USH2A: variants seen among roughly 807,000 people sequenced by gnomAD.
USH2A encodes the protein Usher syndrome 2A (autosomal recessive, mild).
In USH2A, 443 loss-of-function variants were observed where a neutral mutation model predicts 538.9. The ratio of observed to expected loss-of-function variants is 0.82; its 90% CI spans 0.76 to 0.89. The LOEUF (loss-of-function observed/expected upper bound fraction) is 0.89. Ranked by LOEUF, USH2A falls within the 40% of genes least tolerant of loss-of-function variation. The pLI is 0.00. For missense variants in USH2A, 6,633 were observed against 6,324.8 expected (o/e 1.05, Z -1.65); for synonymous variants, 2,413 against 2,273.5 (o/e 1.06, Z -1.75).
At chr1:216,235,904 A>G (rs2035803156) in intron 13 of USH2A, among the ~76,000 whole-genome samples, 1 of 152,200 alleles carries the variant, frequency 6.6e-6, no homozygotes, top group Non-Finnish European at 1.5e-5. Context: ...TGGCTCACCT[A>G]TATCCATGCA....
At chr1:216,013,084 A>G (rs1040768419) in intron 32 of USH2A, among the ~76,000 whole-genome samples, 29 of 152,168 alleles carry the variant, frequency 1.9e-4, no homozygotes, top group Non-Finnish European at 3.8e-4. Flanking sequence ...TGGCAGGACT[A>G]TGCTGAATCT....
At chr1:215,993,715 C>A (rs578199225) in intron 34 of USH2A, among the ~76,000 whole-genome samples, 1 of 152,248 alleles carries the variant, frequency 6.6e-6, no homozygotes, top group East Asian at 1.9e-4. Flanking sequence ...AACAATGTTT[C>A]TCATAAAACA....
intron 21 of USH2A, among the ~76,000 whole-genome samples, chr1:216,102,915 A>T (rs1387448318): frequency 6.6e-6 from 1 of 152,226 alleles, no homozygotes; most frequent in Non-Finnish European, 1.5e-5. Context: ...CACAAGATAT[A>T]CAAGTATGTT....
intron 21 of USH2A, among the ~76,000 whole-genome samples, chr1:216,161,789 T>G (rs2034064945): frequency 6.6e-6 from 1 of 152,100 alleles, no homozygotes; most frequent in Non-Finnish European, 1.5e-5. Flanking sequence ...ACAGAAATCT[T>G]GACTGGTAGT....
At chr1:216,221,469 T>C (rs1459200318) in intron 14 of USH2A, among the ~76,000 whole-genome samples, 4 of 152,178 alleles carry the variant, frequency 2.6e-5, no homozygotes, top group Admixed American at 6.5e-5. Context: ...ATCAGAATTA[T>C]AGGAGAGGGA....
chr1:216,121,065 AG>A (rs1156842512), intron 21 of USH2A, among the ~76,000 whole-genome samples: 5 of 152,234 alleles, frequency 3.3e-5, no homozygotes, highest in African/African-American at 1.2e-4. Flanking sequence ...AGGTGAACAC[AG>A]TGAGAAGAGG....
chr1:215,665,919 G>A (rs2102656884), intron 64 of USH2A, among the ~76,000 whole-genome samples: 1 of 152,376 alleles, frequency 6.6e-6, no homozygotes, highest in African/African-American at 2.4e-5. Flanking sequence ...TCACAGGGTT[G>A]TTTGAGAATT....
intron 21 of USH2A, among the ~76,000 whole-genome samples, chr1:216,129,417 C>T (rs540255673): frequency 6.6e-6 from 1 of 151,944 alleles, no homozygotes; most frequent in East Asian, 1.9e-4. Context: ...TGTATGCTAA[C>T]AGCAAACAAT....
intron 4 of USH2A, among the ~76,000 whole-genome samples, chr1:216,338,943 C>A (rs887277080): frequency 1.3e-5 from 2 of 151,568 alleles, no homozygotes; most frequent in African/African-American, 2.4e-5. Context: ...GGTTCAACCA[C>A]TTTAGATAAC....
At chr1:216,298,691 A>G (rs558770844) in intron 9 of USH2A, among the ~76,000 whole-genome samples, 75 of 152,280 alleles carry the variant, frequency 4.9e-4, no homozygotes, top group Non-Finnish European at 9.4e-4. Context: ...TATTTTTTAG[A>G]TTATGATAAT....
Position 215,625,735 on chromosome 1 carries a change from G to A in USH2A, c.*46C>T. 6.4e-7 allele frequency: 1 copy of A among 1,563,892 alleles called. No individual in the cohort carries two copies. The highest frequency in any genetic ancestry group is 8.8e-7 in the Non-Finnish European group (1 of 1,134,376). On this transcript the variant is annotated 3_prime_UTR_variant, in exon 72 of 72. Transcript: ENST00000307340. ...TGAGTGATAACCCAGGAGGAAATGGGTGCAGACCTTGCATTCCAGGGTTAC... is the reference window on the plus strand; with the variant it reads ...TGAGTGATAACCCAGGAGGAAATGGATGCAGACCTTGCATTCCAGGGTTAC...
At chr1:216,119,975 G>A (rs1290892662) in intron 21 of USH2A, among the ~76,000 whole-genome samples, 6 of 151,702 alleles carry the variant, frequency 4.0e-5, no homozygotes, top group Non-Finnish European at 8.8e-5. Flanking sequence ...GTACTTCGTG[G>A]ATATTCACTT....
At chr1:215,709,208 T>C (rs976670721) in intron 61 of USH2A, among the ~76,000 whole-genome samples, 1 of 152,208 alleles carries the variant, frequency 6.6e-6, no homozygotes, top group Non-Finnish European at 1.5e-5. Context: ...TATTGTGCCT[T>C]GAGGTATTAT....
intron 21 of USH2A, among the ~76,000 whole-genome samples, chr1:216,145,447 G>C (rs1220675447): frequency 6.6e-6 from 1 of 152,156 alleles, no homozygotes; most frequent in Non-Finnish European, 1.5e-5. Flanking sequence ...AACAAAAATT[G>C]TTTTAAAGGT....
chr1:216,375,883 T>G (rs1435579713), intron 3 of USH2A, among the ~76,000 whole-genome samples: 1 of 152,050 alleles, frequency 6.6e-6, no homozygotes, highest in Non-Finnish European at 1.5e-5. Flanking sequence ...TCAATATTGT[T>G]GTGTCTCAGG....
intron 16 of USH2A, chr1:216,201,557 G>T: frequency 6.5e-6 from 1 of 153,134 alleles, no homozygotes. Context: ...CAAGCAATCC[G>T]CCCACCTCAG....
At chr1:216,371,946 T>C (rs563605969) in intron 3 of USH2A, among the ~76,000 whole-genome samples, 25 of 152,350 alleles carry the variant, frequency 1.6e-4, no homozygotes, top group Non-Finnish European at 3.1e-4. Flanking sequence ...GACATGAATT[T>C]TTATATAATT....
At chr1:216,339,927 A>G (rs945623377) in intron 4 of USH2A, among the ~76,000 whole-genome samples, 2 of 152,030 alleles carry the variant, frequency 1.3e-5, no homozygotes, top group Non-Finnish European at 2.9e-5. Context: ...TAAAAGAACT[A>G]GAGAAGCAAG....
intron 4 of USH2A, among the ~76,000 whole-genome samples, chr1:216,358,669 A>G (rs1293101066): frequency 6.6e-6 from 1 of 152,138 alleles, no homozygotes; most frequent in Non-Finnish European, 1.5e-5. Flanking sequence ...ATAAATTGAT[A>G]GAATAAAGAT....
Sources: allele counts gnomAD v4.1 joint callset (sites outside exome capture counted in the v4.1 genomes callset), GRCh38; gene constraint gnomAD v4.1.1; transcripts MANE v1.5; gene names NCBI Gene and HGNC (gene_info 2026-07-23, HGNC 2026-07-21).